The following RHOJ variants were observed in gnomAD, a reference collection of about 807,000 sequenced individuals.
The protein encoded by RHOJ is rho-related GTP-binding protein RhoJ.
Under a neutral mutation model 23.4 loss-of-function variants are expected in RHOJ, and 11 were observed. The observed-to-expected ratio is 0.47, with a 90% CI of 0.30 to 0.78. The LOEUF (loss-of-function observed/expected upper bound fraction) is 0.78. Among genes scored for constraint, RHOJ ranks in the 30% least tolerant of loss-of-function variants. The pLI is 0.08. For synonymous variants in RHOJ, 102 were observed against 102.7 expected (o/e 0.99, Z 0.04); for missense variants, 254 against 273.4 (o/e 0.93, Z 0.50).
chr14:63,210,326 G>A (rs1289213811), intron 1 of RHOJ, among the ~76,000 whole-genome samples: 2 of 152,186 alleles, frequency 1.3e-5, no homozygotes, highest in Non-Finnish European at 2.9e-5. Flanking sequence ...TATATAATGT[G>A]TAAATATCAC....
chr14:63,214,531 C>T (rs1018777266), intron 1 of RHOJ, among the ~76,000 whole-genome samples: 1 of 152,116 alleles, frequency 6.6e-6, no homozygotes, highest in African/African-American at 2.4e-5. Flanking sequence ...CAGAAAAGGC[C>T]TTTAGTGCCT....
intron 1 of RHOJ, among the ~76,000 whole-genome samples, chr14:63,216,307 A>AT (rs1894355112): frequency 6.6e-6 from 1 of 152,206 alleles, no homozygotes; most frequent in African/African-American, 2.4e-5. Context: ...TGCTGCATAC[A>AT]TTTTTTCAAA....
intron 4 of RHOJ, chr14:63,288,228 C>T (rs949831261): frequency 1.0e-6 from 1 of 985,434 alleles, no homozygotes; most frequent in Non-Finnish European, 1.2e-6. Context: ...GCTCCTCCCG[C>T]TCCATCGAAA....
intron 1 of RHOJ, among the ~76,000 whole-genome samples, chr14:63,230,206 G>A (rs1894665971): frequency 6.6e-6 from 1 of 151,610 alleles, no homozygotes; most frequent in Admixed American, 6.6e-5. Context: ...AAACTAGTAA[G>A]TCCAATTTCT....
At chr14:63,219,911 A>G (rs1894451332) in intron 1 of RHOJ, among the ~76,000 whole-genome samples, 1 of 152,162 alleles carries the variant, frequency 6.6e-6, no homozygotes, top group Non-Finnish European at 1.5e-5. Flanking sequence ...TCTAAGAGAA[A>G]GGCAGCAGTA....
intron 1 of RHOJ, among the ~76,000 whole-genome samples, chr14:63,207,117 C>T (rs1594747032): frequency 1.3e-5 from 2 of 151,598 alleles, no homozygotes; most frequent in Middle Eastern, 3.2e-3. Context: ...CTGCAACTTC[C>T]ACCTCCTGGG....
chr14:63,221,742 G>A (rs1894498386), intron 1 of RHOJ, among the ~76,000 whole-genome samples: 1 of 152,200 alleles, frequency 6.6e-6, no homozygotes, highest in Admixed American at 6.5e-5. Flanking sequence ...GAAGATTTCG[G>A]TGTGAGTGGA....
chr14:63,234,633 A>G (rs1183003970), intron 1 of RHOJ, among the ~76,000 whole-genome samples: 1 of 152,208 alleles, frequency 6.6e-6, no homozygotes, highest in East Asian at 1.9e-4. Context: ...ACACACACAT[A>G]TAATTATATA....
intron 1 of RHOJ, among the ~76,000 whole-genome samples, chr14:63,217,244 C>A (rs576019726): frequency 1.5e-5 from 2 of 133,684 alleles, no homozygotes; most frequent in African/African-American, 2.6e-5. Flanking sequence ...CCGCTCCCCC[C>A]ACCCCACAAC....
intron 1 of RHOJ, 35 bp downstream of exon 1, chr14:63,205,082 A>G (rs1303890826): frequency 7.5e-6 from 12 of 1,595,066 alleles, no homozygotes; most frequent in African/African-American, 1.3e-5. Flanking sequence ...GCATCCAGAC[A>G]AACGATGCAG....
intron 1 of RHOJ, among the ~76,000 whole-genome samples, chr14:63,249,551 T>C (rs1163926357): frequency 2.0e-5 from 3 of 152,192 alleles, no homozygotes; most frequent in Non-Finnish European, 4.4e-5. Flanking sequence ...AGGATATTAG[T>C]TTTCTCATTT....
intron 1 of RHOJ, among the ~76,000 whole-genome samples, chr14:63,246,578 G>A (rs1245174685): frequency 6.6e-6 from 1 of 152,024 alleles, no homozygotes; most frequent in Non-Finnish European, 1.5e-5. Context: ...TAAAGCACTT[G>A]GTACAGTGCC....
chr14:63,280,286 A>G (rs1187984090), intron 2 of RHOJ, among the ~76,000 whole-genome samples: 1 of 152,146 alleles, frequency 6.6e-6, no homozygotes, highest in Non-Finnish European at 1.5e-5. Context: ...TGGCTTCCAA[A>G]GTGCTGGGAT....
chr14:63,255,721 T>C (rs1159078317), intron 1 of RHOJ, among the ~76,000 whole-genome samples: 1 of 152,166 alleles, frequency 6.6e-6, no homozygotes, highest in Non-Finnish European at 1.5e-5. Flanking sequence ...CCTATCTCTG[T>C]TTTGGAGCCA....
At chr14:63,230,593 T>C (rs569064768) in intron 1 of RHOJ, among the ~76,000 whole-genome samples, 48 of 152,160 alleles carry the variant, frequency 3.2e-4, no homozygotes, top group African/African-American at 1.1e-3. Context: ...CAGCAAGATC[T>C]TCCCTAATCA....
At chr14:63,247,952 C>A (rs898074517) in intron 1 of RHOJ, among the ~76,000 whole-genome samples, 1 of 152,076 alleles carries the variant, frequency 6.6e-6, no homozygotes, top group Admixed American at 6.6e-5. Flanking sequence ...AGGGAAACGC[C>A]TTATAAAACC....
At chr14:63,268,540 A>C (rs1036235343) in intron 1 of RHOJ, among the ~76,000 whole-genome samples, 11 of 152,252 alleles carry the variant, frequency 7.2e-5, no homozygotes, top group African/African-American at 2.7e-4. Context: ...AGGAATATCT[A>C]ATTTTAAAAA....
At chr14:63,266,391 T>G (rs987678862) in intron 1 of RHOJ, among the ~76,000 whole-genome samples, 3 of 152,130 alleles carry the variant, frequency 2.0e-5, no homozygotes, top group Non-Finnish European at 4.4e-5. Flanking sequence ...CTGAACTAGT[T>G]TTTCAGGTTT....
intron 4 of RHOJ, among the ~76,000 whole-genome samples, chr14:63,288,836 C>A (rs767297939): frequency 6.6e-6 from 1 of 152,074 alleles, no homozygotes. Context: ...CTGGGCCCAA[C>A]CAAAACCACT....
Sources: gnomAD v4.1 joint callset for allele counts (sites outside exome capture counted in the v4.1 genomes callset) on GRCh38, gnomAD v4.1.1 for gene constraint, MANE v1.5 for transcripts, NCBI Gene and HGNC (gene_info 2026-07-23, HGNC 2026-07-21) for gene names.